The following MMP16 variants were observed in gnomAD, a reference collection of about 807,000 sequenced individuals.
The protein encoded by MMP16 is matrix metallopeptidase 16.
In MMP16, 12 loss-of-function variants were observed where a neutral mutation model predicts 67.8. The observed-to-expected ratio is 0.18, with a 90% CI of 0.11 to 0.29. The LOEUF (loss-of-function observed/expected upper bound fraction) is 0.29, where lower values mean the gene tolerates loss of function less well. Ranked by LOEUF, MMP16 falls within the 10% of genes least tolerant of loss-of-function variation. The probability of loss-of-function intolerance (pLI) is 1.00; values close to 1 mark genes in which losing one functional copy is unlikely to be tolerated. For missense variants in MMP16, 475 were observed against 765.7 expected, an observed-to-expected ratio of 0.62 and a Z score of 4.48; for synonymous variants, 249 against 255.9, an observed-to-expected ratio of 0.97 and a Z score of 0.26.
intron 1 of MMP16, among the ~76,000 whole-genome samples, chr8:88,296,185 C>G (rs1811011002): frequency 6.6e-6 from 1 of 152,092 alleles, no homozygotes; most frequent in African/African-American, 2.4e-5. Flanking sequence ...TTAACAGACA[C>G]TATGCTGGGA....
rs1808658104 is a variant in MMP16 at position 88,163,151 on chromosome 8, T to G, written c.709+4518A>C. Among the ~76,000 whole-genome samples, 3 of 152,160 alleles carry G rather than the reference T, an allele frequency of 2.0e-5. No individual in the cohort carries two copies. The South Asian group carries it at 6.2e-4, about 32-fold the overall frequency. On this transcript the variant is annotated intron_variant, in intron 4 of 9. Transcript: ENST00000286614. Reference sequence around the variant, plus strand: ...GGTTTACTTCTACACAGGTGTTTTCTGTAGTATGGCACCAAATGGACATGT... The same window carrying G: ...GGTTTACTTCTACACAGGTGTTTTCGGTAGTATGGCACCAAATGGACATGT...
intron 1 of MMP16, among the ~76,000 whole-genome samples, chr8:88,285,049 T>C (rs2130002976): frequency 6.6e-6 from 1 of 152,322 alleles, no homozygotes; most frequent in Middle Eastern, 3.4e-3. Context: ...CATATGTTCT[T>C]GTTGTACCTC....
intron 1 of MMP16, among the ~76,000 whole-genome samples, chr8:88,240,377 C>T (rs1810015542): frequency 6.6e-6 from 1 of 152,008 alleles, no homozygotes; most frequent in Non-Finnish European, 1.5e-5. Context: ...GAGTGGTGGC[C>T]TTGAGGCAGA....
At chr8:88,284,659 G>A (rs1371747281) in intron 1 of MMP16, among the ~76,000 whole-genome samples, 1 of 152,150 alleles carries the variant, frequency 6.6e-6, no homozygotes, top group Non-Finnish European at 1.5e-5. Flanking sequence ...ATGGCTAGAA[G>A]AACGCTGCTA....
chr8:88,300,403 T>C (rs770746021), intron 1 of MMP16, among the ~76,000 whole-genome samples: 13 of 152,194 alleles, frequency 8.5e-5, no homozygotes, highest in East Asian at 3.9e-4. Context: ...CTGAACAGCA[T>C]GATGAAATCT....
chr8:88,104,903 T>C (rs1445014851), intron 6 of MMP16, among the ~76,000 whole-genome samples: 1 of 151,384 alleles, frequency 6.6e-6, no homozygotes, highest in African/African-American at 2.4e-5. Flanking sequence ...ACATTTTCAA[T>C]AAAAAAGCTT....
chr8:88,270,884 C>T (rs1263553877), intron 1 of MMP16, among the ~76,000 whole-genome samples: 1 of 152,132 alleles, frequency 6.6e-6, no homozygotes, highest in Admixed American at 6.5e-5. Flanking sequence ...TAATCGCAAC[C>T]CAAACAAGTT....
intron 3 of MMP16, among the ~76,000 whole-genome samples, chr8:88,183,176 AC>A (rs1809008763): frequency 6.6e-6 from 1 of 152,356 alleles, no homozygotes; most frequent in African/African-American, 2.4e-5. Context: ...ATAGAACCGT[AC>A]AACACAGTGT....
In MMP16 at chr8:88,108,350, T is replaced by C. The variant is rs532478453; in HGVS notation, c.1083+8157A>G. ...CTCTTTTTTTCCTGCTAATAAATTC[T>C]TGATGTTGTCTGAGAGAGCAATTTG... On this transcript the variant is annotated intron_variant, in intron 6 of 9. Transcript: ENST00000286614. Among the ~76,000 whole-genome samples, 192 of 151,450 alleles carry C rather than the reference T, an allele frequency of 1.3e-3. 2 individuals carry two copies. Among genetic ancestry groups the C allele is most frequent in the South Asian group, 0.013 (61 of 4,818 alleles).
intron 7 of MMP16, 57 bp from the exon 8 acceptor site, chr8:88,056,335 T>C (rs1330442758): frequency 1.1e-5 from 10 of 899,014 alleles, no homozygotes; most frequent in African/African-American, 3.5e-5. Context: ...AATTAGAATA[T>C]ATCTATTAAC....
intron 1 of MMP16, among the ~76,000 whole-genome samples, chr8:88,225,854 A>C (rs1809761006): frequency 6.6e-6 from 1 of 151,970 alleles, no homozygotes; most frequent in Non-Finnish European, 1.5e-5. Context: ...TGTATGGGAC[A>C]CTGTACCTTA....
intron 1 of MMP16, among the ~76,000 whole-genome samples, chr8:88,219,850 T>C (rs1809650653): frequency 6.6e-6 from 1 of 152,088 alleles, no homozygotes; most frequent in Non-Finnish European, 1.5e-5. Flanking sequence ...TTGAGTTGAA[T>C]TTTTCAGAAG....
At position 88,284,000 on chromosome 8, in the gene MMP16, C is replaced by A. The variant is rs929212147; in HGVS notation, c.132+43075G>T. ...TGAAACAACTGGTGATAATTGTTAA[C>A]AATGAGTCCTTGACCTTTCATGAAT... On this transcript the variant is annotated intron_variant, in intron 1 of 9. Transcript: ENST00000286614. Among the ~76,000 whole-genome samples, 37 of 152,206 alleles carry A rather than the reference C, an allele frequency of 2.4e-4. 1 individual carries two copies. Among genetic ancestry groups the A allele is most frequent in the Admixed American group, 1.3e-4 (2 of 15,284 alleles).
At chr8:88,098,984 T>G (rs1809083869) in intron 6 of MMP16, among the ~76,000 whole-genome samples, 1 of 151,762 alleles carries the variant, frequency 6.6e-6, no homozygotes, top group Non-Finnish European at 1.5e-5. Context: ...CAAAATAAAT[T>G]TTCCTATATT....
rs1808076224 is a variant in MMP16 at position 88,037,912 on chromosome 8, T to C, written c.*3549A>G. ...AGGCATGAATGTGTTTTCATTTCAA[T>C]TTGGGAAATCCTATGTCTGAGCTTT... On this transcript the variant is annotated 3_prime_UTR_variant, in exon 10 of 10. Transcript: ENST00000286614. 1 of 151,988 alleles carries C rather than the reference T, an allele frequency of 6.6e-6. No individual in the cohort carries two copies. The highest frequency in any genetic ancestry group is 2.4e-5 in the African/African-American group (1 of 41,440). The allele number at this position is 151,988 out of a possible 1,614,324, so 9.4% of individuals were successfully genotyped here.
At chr8:88,282,361 T>C (rs1224417874) in intron 1 of MMP16, among the ~76,000 whole-genome samples, 3 of 152,172 alleles carry the variant, frequency 2.0e-5, no homozygotes, top group African/African-American at 7.2e-5. Flanking sequence ...GCGTGAGCCA[T>C]GGCGCTCAGC....
At chr8:88,174,502 T>C (rs1000749524) in intron 3 of MMP16, among the ~76,000 whole-genome samples, 1 of 152,224 alleles carries the variant, frequency 6.6e-6, no homozygotes, top group Non-Finnish European at 1.5e-5. Flanking sequence ...CATAAATGCG[T>C]ACATAGTCTC....
intron 3 of MMP16, among the ~76,000 whole-genome samples, chr8:88,171,155 G>A (rs1808793597): frequency 6.6e-6 from 1 of 152,090 alleles, no homozygotes; most frequent in South Asian, 2.1e-4. Context: ...TGAATGTGGA[G>A]TACTATTTGG....
At chr8:88,100,500 G>T (rs1298888702) in intron 6 of MMP16, among the ~76,000 whole-genome samples, 1 of 151,998 alleles carries the variant, frequency 6.6e-6, no homozygotes, top group Non-Finnish European at 1.5e-5. Flanking sequence ...AGGATATAGA[G>T]AAATAGAAAC....
Sources: allele counts gnomAD v4.1 joint callset (sites outside exome capture counted in the v4.1 genomes callset), GRCh38; gene constraint gnomAD v4.1.1; transcripts MANE v1.5; gene names NCBI Gene and HGNC (gene_info 2026-07-23, HGNC 2026-07-21).